The following MEF2C variants were observed in gnomAD, a reference collection of about 807,000 sequenced individuals.
The protein encoded by MEF2C is myocyte enhancer factor 2C, also known as myocyte-specific enhancer factor 2C.
A neutral mutation model predicts 50.5 loss-of-function variants in MEF2C; 6 were observed. The observed-to-expected ratio is 0.12, with a 90% CI of 0.07 to 0.23. The LOEUF is 0.23. Ranked by LOEUF, MEF2C falls within the 10% of genes least tolerant of loss-of-function variation. The pLI, the probability that MEF2C is intolerant of heterozygous loss-of-function variation, is 1.00. For missense variants in MEF2C, 276 were observed against 605.0 expected (o/e 0.46, Z 5.70); for synonymous variants, 183 against 228.0 (o/e 0.80, Z 1.78).
chr5:88,731,832 A>G lies in MEF2C; in HGVS notation c.707T>C (p.Met236Thr). 2 of 1,613,330 alleles carry G rather than the reference A, an allele frequency of 1.2e-6. No homozygotes were observed. Among genetic ancestry groups the G allele is most frequent in the Non-Finnish European group, 1.7e-6 (2 of 1,179,518 alleles). ...LVSPGNLNKN[M>T]QAKSPPPMNL... ...CATTGGGGGAGGAGATTTTGCTTGCATATTCTTGTTCAAGTTACCAGGTGA... is the reference window on the plus strand; with the variant it reads ...CATTGGGGGAGGAGATTTTGCTTGCGTATTCTTGTTCAAGTTACCAGGTGA... The change falls in exon 7 of 11, where the codon ATG becomes ACG. Residue 236 changes from methionine to threonine, a missense_variant. This residue lies in a region of MEF2C where 256 missense variants were observed against 468.1 expected (regional missense o/e 0.55). Coordinates refer to ENST00000504921, the MANE Select transcript of MEF2C (RefSeq NM_002397.5).
At chr5:88,845,684 C>T (rs895123872) in intron 1 of MEF2C, among the ~76,000 whole-genome samples, 1 of 152,112 alleles carries the variant, frequency 6.6e-6, no homozygotes, top group Admixed American at 6.5e-5. Flanking sequence ...GATAAAAATA[C>T]ACATTTTTAT....
intron 1 of MEF2C, among the ~76,000 whole-genome samples, chr5:88,882,742 T>C (rs944035216): frequency 4.6e-5 from 7 of 152,114 alleles, no homozygotes; most frequent in Admixed American, 1.3e-4. Context: ...CAATAGCTGA[T>C]GGCAAACGGA....
In MEF2C at chr5:88,754,809, G is replaced by A. The variant is rs530717089; in HGVS notation, c.403-2766C>T. Among the ~76,000 whole-genome samples the A allele has an allele frequency of 6.6e-5, 10 of 152,292 alleles. No homozygotes were observed. In the East Asian group the frequency reaches 1.7e-3, roughly 26 times the overall value. On this transcript the variant is annotated intron_variant, in intron 4 of 10. Transcript: ENST00000504921. ...AAACCCTGTGAGGGCTCTCATCTTA[G>A]AATAAAAACTCAAGATGAGAATTTT...
chr5:88,785,949 CA>C (rs1466883530), intron 3 of MEF2C, among the ~76,000 whole-genome samples: 2 of 152,096 alleles, frequency 1.3e-5, no homozygotes, highest in Non-Finnish European at 2.9e-5. Flanking sequence ...CCCGCATTCT[CA>C]AAGGTTTCTC....
At chr5:88,858,195 C>T (rs1426392286) in intron 1 of MEF2C, among the ~76,000 whole-genome samples, 1 of 152,174 alleles carries the variant, frequency 6.6e-6, no homozygotes, top group Non-Finnish European at 1.5e-5. Flanking sequence ...AGGATCTCCT[C>T]AATCTTCCCT....
intron 3 of MEF2C, among the ~76,000 whole-genome samples, chr5:88,793,841 G>A (rs1455668305): frequency 1.3e-5 from 2 of 150,496 alleles, no homozygotes; most frequent in African/African-American, 2.5e-5. Flanking sequence ...TCCCCTCCCT[G>A]AGTCCATGTG....
At chr5:88,903,814 C>T (rs890948870) in intron 1 of MEF2C, 1 of 151,978 alleles carries the variant, frequency 6.6e-6, no homozygotes, top group African/African-American at 2.4e-5. Flanking sequence ...TTCCAATGGT[C>T]TCATCAACTT....
At chr5:88,878,702 T>C (rs1407830566) in intron 1 of MEF2C, among the ~76,000 whole-genome samples, 1 of 152,046 alleles carries the variant, frequency 6.6e-6, no homozygotes, top group Non-Finnish European at 1.5e-5. Context: ...AGTCTTTCTT[T>C]ATTCCACTTT....
chr5:88,774,560 G>A (rs1051053004), intron 3 of MEF2C, among the ~76,000 whole-genome samples: 1 of 152,054 alleles, frequency 6.6e-6, no homozygotes, highest in South Asian at 2.1e-4. Flanking sequence ...CTGACCTCGT[G>A]ATCTGCCCGC....
At chr5:88,737,404 C>T (rs1764570472) in intron 6 of MEF2C, 8 of 985,374 alleles carry the variant, frequency 8.1e-6, no homozygotes, top group Non-Finnish European at 9.6e-6. Flanking sequence ...CAGCACATTA[C>T]CTTAGCTAAC....
intron 1 of MEF2C, chr5:88,824,387 G>A (rs894983343): frequency 9.2e-6 from 9 of 981,520 alleles, no homozygotes; most frequent in East Asian, 1.1e-4. Flanking sequence ...AGGTGATAAC[G>A]TCCCTCGTTA....
chr5:88,900,271 TA>T (rs1476444021), intron 1 of MEF2C, among the ~76,000 whole-genome samples: 2 of 151,778 alleles, frequency 1.3e-5, no homozygotes, highest in Non-Finnish European at 2.9e-5. Flanking sequence ...GGAATTAATA[TA>T]AGATAGTTAT....
chr5:88,852,044 T>C (rs969692331), intron 1 of MEF2C, among the ~76,000 whole-genome samples: 1 of 152,188 alleles, frequency 6.6e-6, no homozygotes, highest in Admixed American at 6.5e-5. Flanking sequence ...AAAGTAATTG[T>C]ACTTGGCAGT....
chr5:88,835,682 G>A (rs965388307), intron 1 of MEF2C, among the ~76,000 whole-genome samples: 7 of 151,772 alleles, frequency 4.6e-5, no homozygotes, highest in East Asian at 3.9e-4. Context: ...GTGTGGTGGT[G>A]GGTGCCTGTA....
intron 1 of MEF2C, among the ~76,000 whole-genome samples, chr5:88,852,804 A>G (rs1311275458): frequency 3.3e-5 from 5 of 152,226 alleles, no homozygotes; most frequent in African/African-American, 1.2e-4. Context: ...AATCCCAGCT[A>G]CTTGGGAGGC....
chr5:88,787,805 C>T (rs1400050247), intron 3 of MEF2C, among the ~76,000 whole-genome samples: 1 of 152,200 alleles, frequency 6.6e-6, no homozygotes, highest in Admixed American at 6.5e-5. Context: ...TCTTTTCTTT[C>T]CTGTTGGAAA....
chr5:88,901,711 T>C (rs1835670270), intron 1 of MEF2C, among the ~76,000 whole-genome samples: 1 of 151,808 alleles, frequency 6.6e-6, no homozygotes, highest in Admixed American at 6.6e-5. Context: ...ATTGAGGGAG[T>C]TGGCATAGGT....
In MEF2C at chr5:88,749,504, T is replaced by C. The variant is rs149540123; in HGVS notation, c.590-387A>G. ...TGTTTAGTTCTTTGTAAATATGTTT[T>C]ATGCCATTAATTTTGTGCAATGTTA... On this transcript the variant is annotated intron_variant, in intron 5 of 10. Coordinates refer to ENST00000504921, the MANE Select transcript of MEF2C (RefSeq NM_002397.5). 27 of 984,698 alleles carry C rather than the reference T, an allele frequency of 2.7e-5. No individual in the cohort carries two copies. In the African/African-American group the frequency reaches 4.4e-4, roughly 16 times the overall value. The allele number at this position is 984,698 out of a possible 1,614,324, so 61.0% of individuals were successfully genotyped here.
intron 6 of MEF2C, 22 bp from the exon 7 acceptor site, chr5:88,731,923 G>C (rs1291730035): frequency 6.3e-7 from 1 of 1,594,504 alleles, no homozygotes; most frequent in African/African-American, 1.3e-5. Flanking sequence ...AAACAATAAA[G>C]CATTTAGGAA....
Sources: allele counts gnomAD v4.1 joint callset (sites outside exome capture counted in the v4.1 genomes callset), GRCh38; gene constraint gnomAD v4.1.1; regional missense constraint gnomAD v4.1.1; transcripts MANE v1.5; gene names NCBI Gene and HGNC (gene_info 2026-07-23, HGNC 2026-07-21).